The following AEBP2 variants were observed in gnomAD, a reference collection of about 807,000 sequenced individuals.
AEBP2 encodes AE binding protein 2, also known as zinc finger protein AEBP2.
In AEBP2, 10 loss-of-function variants were observed where a neutral mutation model predicts 50.8. The observed-to-expected ratio is 0.20, with a 90% CI of 0.12 to 0.33. The LOEUF (loss-of-function observed/expected upper bound fraction) is 0.33, where lower values mean the gene tolerates loss of function less well. AEBP2 is among the 10% of genes least tolerant of loss of function. The probability of loss-of-function intolerance (pLI) is 1.00; values close to 1 mark genes in which losing one functional copy is unlikely to be tolerated. For synonymous variants in AEBP2, 296 were observed against 261.3 expected, an observed-to-expected ratio of 1.13 and a Z score of -1.28; for missense variants, 570 against 688.0, an observed-to-expected ratio of 0.83 and a Z score of 1.92.
intron 3 of AEBP2, among the ~76,000 whole-genome samples, chr12:19,492,519 G>T (rs557004744): frequency 5.3e-5 from 8 of 151,990 alleles, no homozygotes; most frequent in Non-Finnish European, 1.0e-4. Context: ...TCTTTTCTAA[G>T]AGAGAGGCTA....
At chr12:19,422,577 A>C (rs1484981949) in intron 1 of AEBP2, among the ~76,000 whole-genome samples, 1 of 151,834 alleles carries the variant, frequency 6.6e-6, no homozygotes, top group East Asian at 2.0e-4. Flanking sequence ...GCTCACTGCA[A>C]CGTCCACCTC....
At chr12:19,506,941 A>G (rs924632987) in intron 5 of AEBP2, among the ~76,000 whole-genome samples, 17 of 152,032 alleles carry the variant, frequency 1.1e-4, no homozygotes, top group African/African-American at 4.1e-4. Context: ...GCTCTCAGGC[A>G]AGCAGATTGG....
At chr12:19,494,055 A>G (rs541613144) in intron 4 of AEBP2, 69 bp downstream of exon 4, 2 of 1,434,016 alleles carry the variant, frequency 1.4e-6, no homozygotes, top group Admixed American at 4.9e-5. Context: ...TTTTATGCAA[A>G]TCCACTTTGA....
At chr12:19,484,423 G>T (rs1948776624) in intron 3 of AEBP2, among the ~76,000 whole-genome samples, 1 of 151,794 alleles carries the variant, frequency 6.6e-6, no homozygotes, top group Non-Finnish European at 1.5e-5. Flanking sequence ...TTGCCAGGCT[G>T]GAGTGCAGTG....
Position 19,518,790 on chromosome 12 carries a change from C to T in AEBP2, c.*673C>T, listed in dbSNP as rs1186536988. 7.3e-7 allele frequency: 1 copy of T among 1,362,044 alleles called. No homozygotes were observed. The highest frequency in any genetic ancestry group is 1.4e-5 in the African/African-American group (1 of 69,506). 84.4% of individuals were successfully genotyped at this position (1,362,044 alleles called of 1,614,324 possible). On this transcript the variant is annotated 3_prime_UTR_variant, in exon 8 of 8. Coordinates refer to ENST00000266508, the MANE Select transcript of AEBP2 (RefSeq NM_153207.5). ...TGAAAATTACTGTTAAAGAGTGTTG[C>T]AGTATGTCTGGTGGCTCCCTTTTCA...
At chr12:19,445,652 G>A (rs764684421) in intron 1 of AEBP2, among the ~76,000 whole-genome samples, 1 of 152,156 alleles carries the variant, frequency 6.6e-6, no homozygotes, top group Non-Finnish European at 1.5e-5. Flanking sequence ...AGTGCTGTAC[G>A]ATCTGGAATG....
At chr12:19,419,886 C>T (rs907337671) in intron 1 of AEBP2, among the ~76,000 whole-genome samples, 7 of 152,060 alleles carry the variant, frequency 4.6e-5, no homozygotes, top group Non-Finnish European at 8.8e-5. Flanking sequence ...GCTGAGATCG[C>T]ACCACTGCGC....
intron 1 of AEBP2, among the ~76,000 whole-genome samples, chr12:19,424,826 G>A (rs1471223038): frequency 2.6e-5 from 4 of 151,854 alleles, no homozygotes; most frequent in African/African-American, 9.7e-5. Flanking sequence ...TGGCCAACAT[G>A]GTGAAACCCC....
chr12:19,442,361 T>C (rs1214006343), intron 1 of AEBP2, among the ~76,000 whole-genome samples: 1 of 152,120 alleles, frequency 6.6e-6, no homozygotes, highest in Non-Finnish European at 1.5e-5. Flanking sequence ...TGAGCTGAGA[T>C]GGTGCCACTG....
intron 3 of AEBP2, among the ~76,000 whole-genome samples, chr12:19,475,433 GGTAT>G (rs576299155): frequency 6.6e-6 from 1 of 151,688 alleles, no homozygotes; most frequent in South Asian, 2.1e-4. Flanking sequence ...AGTATTCCAT[GGTAT>G]GTATGTATGT....
rs1042689271 is a variant in AEBP2, at chr12:19,439,806, C to A, written c.107C>A (p.Pro36His). Reference protein sequence around the residue: ...GSAARGRAEPPEEEEEEEEEE... With the variant: ...GSAARGRAEPHEEEEEEEEEE... ...GCGGCGCGGGGCCGGGCTGAGCCCC[C>A]CGAGGAGGAGGAGGAAGAGGAGGAG... Residue 36 changes from proline to histidine, a missense_variant, in exon 1 of 8, where the codon CCC becomes CAC. Coordinates refer to ENST00000266508, the MANE Select transcript of AEBP2 (RefSeq NM_153207.5). 2.6e-6 allele frequency: 4 copies of A among 1,510,976 alleles called. No homozygotes were observed. The highest frequency in any genetic ancestry group is 3.5e-6 in the Non-Finnish European group (4 of 1,136,976). 93.6% of individuals were successfully genotyped at this position (1,510,976 alleles called of 1,614,324 possible).
intron 2 of AEBP2, among the ~76,000 whole-genome samples, chr12:19,471,459 C>T (rs1170307517): frequency 3.9e-5 from 6 of 152,000 alleles, no homozygotes; most frequent in Non-Finnish European, 5.9e-5. Context: ...CATTAATTAC[C>T]CATGTGTGAT....
At position 19,481,092 on chromosome 12, in the gene AEBP2, C is replaced by CTTTTT. The variant is rs71067027; in HGVS notation, c.987+7759_987+7763dup. Among the ~76,000 whole-genome samples, 14 of 74,054 alleles carry CTTTTT rather than the reference C, an allele frequency of 1.9e-4. 3 individuals are homozygous for CTTTTT. Among genetic ancestry groups the CTTTTT allele is most frequent in the East Asian group, 1.6e-3 (3 of 1,868 alleles). The allele number at this position is 74,054 out of a possible 152,430, so 48.6% of individuals were successfully genotyped here. On this transcript the variant is annotated intron_variant, in intron 3 of 7. Coordinates refer to ENST00000266508, the MANE Select transcript of AEBP2 (RefSeq NM_153207.5). Reference sequence around the variant, plus strand: ...TGTTATTGAAACTTTGCAGTGCATCCTTTTTTTTTTTTTTTTTTTTTTTTT... The same window carrying CTTTTT: ...TGTTATTGAAACTTTGCAGTGCATCCTTTTTTTTTTTTTTTTTTTTTTTTTTTTTT...
chr12:19,412,994 A>G (rs949281725), intron 1 of AEBP2, among the ~76,000 whole-genome samples: 1 of 152,106 alleles, frequency 6.6e-6, no homozygotes, highest in Admixed American at 6.6e-5. Flanking sequence ...CACATGCAGG[A>G]CCTGCCCCGG....
At chr12:19,413,074 A>T (rs374035518) in intron 1 of AEBP2, 6 of 559,924 alleles carry the variant, frequency 1.1e-5, no homozygotes, top group Non-Finnish European at 2.0e-5. Context: ...GCACAGTCTC[A>T]GCTTTTGGAG....
chr12:19,464,841 C>T (rs1358286345), intron 2 of AEBP2, among the ~76,000 whole-genome samples: 9 of 151,812 alleles, frequency 5.9e-5, no homozygotes, highest in East Asian at 5.9e-4. Flanking sequence ...CCACCCGCCT[C>T]GGCCTCCCAA....
At chr12:19,428,266 G>T (rs1409105214) in intron 1 of AEBP2, among the ~76,000 whole-genome samples, 1 of 152,254 alleles carries the variant, frequency 6.6e-6, no homozygotes, top group Non-Finnish European at 1.5e-5. Flanking sequence ...CTGGATAAAA[G>T]ATTTCTTTCT....
chr12:19,507,627 A>G (rs1221688616), intron 5 of AEBP2, among the ~76,000 whole-genome samples: 3 of 151,690 alleles, frequency 2.0e-5, no homozygotes, highest in Non-Finnish European at 4.4e-5. Flanking sequence ...TAACTGAGGA[A>G]AAGTCACAAA....
chr12:19,421,817 G>A (rs1299007496), intron 1 of AEBP2, among the ~76,000 whole-genome samples: 2 of 152,142 alleles, frequency 1.3e-5, no homozygotes, highest in African/African-American at 4.8e-5. Flanking sequence ...TCACACAGTA[G>A]AATTTACCTG....
Sources: gnomAD v4.1 joint callset for allele counts (sites outside exome capture counted in the v4.1 genomes callset) on GRCh38, gnomAD v4.1.1 for gene constraint, MANE v1.5 for transcripts, NCBI Gene and HGNC (gene_info 2026-07-23, HGNC 2026-07-21) for gene names.